Variants in KNDC1 observed in about 807,000 individuals in gnomAD.
KNDC1 encodes kinase non-catalytic C-lobe domain-containing protein 1.
A neutral mutation model predicts 172.8 loss-of-function variants in KNDC1; 106 were observed. That is an observed-to-expected ratio of 0.61 (90% CI 0.52 to 0.72). The LOEUF (loss-of-function observed/expected upper bound fraction) is 0.72. Ranked by LOEUF, KNDC1 falls within the 30% of genes least tolerant of loss-of-function variation. The pLI is 0.00. For missense variants in KNDC1, 2,325 were observed against 2,394.5 expected (o/e 0.97, Z 0.61); for synonymous variants, 1,083 against 1,062.2 (o/e 1.02, Z -0.38).
chr10:133,196,936 G>A, intron 10 of KNDC1, 122 bp from the exon 11 acceptor site: 1 of 735,212 alleles, frequency 1.4e-6, no homozygotes, highest in South Asian at 1.6e-5. Context: ...GGGTGTCGGT[G>A]AGAACAAACA....
chr10:133,218,677 G>A (rs574716107), intron 26 of KNDC1, among the ~76,000 whole-genome samples, 154 bp from the exon 27 acceptor site: 24 of 152,274 alleles, frequency 1.6e-4, no homozygotes, highest in Admixed American at 1.2e-3. Context: ...CACGGCCACC[G>A]CTCACCTGCG....
intron 3 of KNDC1, 33 bp downstream of exon 3, chr10:133,168,345 C>G (rs761724684): frequency 7.2e-5 from 114 of 1,587,302 alleles, no homozygotes; most frequent in South Asian, 3.6e-4. Flanking sequence ...TGCCACACCC[C>G]CCTTTTACCT....
chr10:133,211,080 C>A (rs940982705), intron 21 of KNDC1, among the ~76,000 whole-genome samples: 1 of 151,986 alleles, frequency 6.6e-6, no homozygotes, highest in Non-Finnish European at 1.5e-5. Flanking sequence ...AGGGTCCTAC[C>A]GGCCGCCAGC....
At chr10:133,206,980 C>T in intron 19 of KNDC1, 27 bp downstream of exon 19, 1 of 1,600,612 alleles carries the variant, frequency 6.2e-7, no homozygotes, top group Non-Finnish European at 8.6e-7. Context: ...CCCCGCTCTG[C>T]CCCGTGAGGC....
chr10:133,188,431 CAG>C (rs1374944748), intron 6 of KNDC1, 106 bp from the exon 7 acceptor site: 8 of 690,430 alleles, frequency 1.2e-5, no homozygotes, highest in East Asian at 2.8e-5. Flanking sequence ...GGCGCCTACT[CAG>C]GGGCTGAGTG....
chr10:133,168,734 G>A (rs564459473), intron 3 of KNDC1, among the ~76,000 whole-genome samples: 44 of 152,348 alleles, frequency 2.9e-4, no homozygotes, highest in African/African-American at 8.9e-4. Flanking sequence ...GTTAGCAGCC[G>A]GGCCACTCAC....
chr10:133,197,066 C>A lies in KNDC1; in HGVS notation c.1743C>A (p.Gly581=). The change falls in exon 11 of 30, where the codon GGC becomes GGA. Residue 581 remains glycine (G), a synonymous_variant. Transcript: ENST00000304613. ...PSAAEAIKVC[G]SYLLQRGMDS... The stretch of plus-strand genomic sequence containing the variant: ...CTGTCTCCTCCCTCCAGGTGTGCGG[C>A]AGCTACCTCCTCCAGCGAGGCATGG... 6.2e-7 allele frequency: 1 copy of A among 1,612,950 alleles called. No individual in the cohort carries two copies. The highest frequency in any genetic ancestry group is 8.5e-7 in the Non-Finnish European group (1 of 1,179,654).
rs146572070 is a variant in KNDC1, at chr10:133,224,864, C to T, written c.5224C>T (p.Arg1742Trp). The change falls in exon 30 of 30, where the codon CGG (arginine) becomes TGG (tryptophan). Residue 1742 changes from arginine (R) to tryptophan (W), a missense_variant. Transcript: ENST00000304613. The surrounding 1 kb of genome is among the most constrained non-coding windows in gnomAD (Gnocchi z 5.4). Reference protein sequence around the residue: ...KHSRKIQDKLRRMKATFQ With the variant: ...KHSRKIQDKLWRMKATFQ The stretch of plus-strand genomic sequence containing the variant: ...CTCACGGAAGATTCAGGACAAGCTA[C>T]GGAGGATGAAGGCTACATTCCAGTA... 10 of 1,613,620 alleles carry T rather than the reference C, an allele frequency of 6.2e-6. No homozygotes were observed. Among genetic ancestry groups the T allele is most frequent in the Non-Finnish European group, 8.5e-6 (10 of 1,179,870 alleles).
At chr10:133,220,232 C>T (rs1357795449) in intron 29 of KNDC1, 120 bp downstream of exon 29, 71 of 455,356 alleles carry the variant, frequency 1.6e-4, no homozygotes, top group Non-Finnish European at 6.0e-5. Flanking sequence ...CAGGCGGCCG[C>T]GCGCCCAGGT....
chr10:133,211,747 C>G lies in KNDC1; in HGVS notation c.4125C>G (p.Ala1375=), dbSNP rs138202794. 1.2e-6 allele frequency: 2 copies of G among 1,610,162 alleles called. No homozygotes were observed. Among genetic ancestry groups the G allele is most frequent in the Non-Finnish European group, 8.5e-7 (1 of 1,178,930 alleles). ...GLLEVGMDRR[A]EGNPRGTDLE... ...TGGAGGTGGGCATGGACCGGCGGGCCGAGGGCAACCCTCGCGGCACAGACC... is the reference window on the plus strand; with the variant it reads ...TGGAGGTGGGCATGGACCGGCGGGCGGAGGGCAACCCTCGCGGCACAGACC... Residue 1375 remains alanine, a synonymous_variant, in exon 23 of 30, where the codon GCC becomes GCG. Transcript: ENST00000304613.
chr10:133,196,205 A>C (rs1589757634), intron 10 of KNDC1, among the ~76,000 whole-genome samples: 10 of 144,376 alleles, frequency 6.9e-5, no homozygotes, highest in Admixed American at 1.4e-4. Flanking sequence ...TCCACACCTC[A>C]CCCCCCACCC....
In KNDC1 at chr10:133,199,517, G is replaced by A. The variant is rs751186669; in HGVS notation, c.2818G>A (p.Glu940Lys). The A allele has an allele frequency of 4.3e-6, 7 of 1,613,786 alleles. No homozygotes were observed. Among genetic ancestry groups the A allele is most frequent in the South Asian group, 3.3e-5 (3 of 91,090 alleles). Residue 940 changes from glutamate (E) to lysine (K), a missense_variant, in exon 15 of 30, where the codon GAG becomes AAG. Physicochemically the swap from Glu to Lys is moderately conservative, Grantham distance 56 (BLOSUM62 1). Coordinates refer to ENST00000304613, the MANE Select transcript of KNDC1 (RefSeq NM_152643.8). ...TGCCACTTTCTGTGGCGCCATTTCC[G>A]AGAAGTTCTGTGACCTGTACTGGGA... ...TFATFCGAIS[E>K]KFCDLYWDEK... is the part of the protein sequence containing the mutation.
Position 133,193,935 on chromosome 10 carries a change from T to C in KNDC1, c.1576-1728T>C, listed in dbSNP as rs573900139. Among the ~76,000 whole-genome samples the C allele has an allele frequency of 4.6e-5, 7 of 152,304 alleles. No homozygotes were observed. In the South Asian group the frequency reaches 1.5e-3, roughly 32 times the overall value. ...TGCAGAATATGTGAAGCAAAACTGA[T>C]AGAATTAATAGAGACACAGATGAAT... On this transcript the variant is annotated intron_variant, in intron 9 of 29. Transcript: ENST00000304613.
intron 26 of KNDC1, among the ~76,000 whole-genome samples, chr10:133,218,239 G>A (rs1372784713): frequency 3.9e-5 from 6 of 152,306 alleles, no homozygotes; most frequent in African/African-American, 9.6e-5. Flanking sequence ...ATCCAGGAAC[G>A]CAGCCCTTTG....
intron 21 of KNDC1, among the ~76,000 whole-genome samples, chr10:133,211,128 G>C (rs1311174647): frequency 6.6e-6 from 1 of 152,108 alleles, no homozygotes; most frequent in Non-Finnish European, 1.5e-5. Context: ...GGTGTCAGGA[G>C]AGGGGTGGTG....
rs1396081848 is a variant in KNDC1, at chr10:133,224,054, C to A, written c.5019-605C>A. 6.6e-6 allele frequency among the ~76,000 whole-genome samples: 1 copy of A among 152,186 alleles called. No individual in the cohort carries two copies. The highest frequency in any genetic ancestry group is 2.4e-5 in the African/African-American group (1 of 41,436). ...GTGTGTGTGTGAGAGCCCATCCAGGCTTGGCCTTTCTTTGCCGTAATGGAC... is the reference window on the plus strand; with the variant it reads ...GTGTGTGTGTGAGAGCCCATCCAGGATTGGCCTTTCTTTGCCGTAATGGAC... On this transcript the variant is annotated intron_variant, in intron 29 of 29. Transcript: ENST00000304613. This position sits in a 1 kb window ranked among gnomAD's most constrained non-coding sequence, Gnocchi z 5.4.
intron 5 of KNDC1, among the ~76,000 whole-genome samples, chr10:133,184,368 T>C (rs943886644): frequency 3.3e-5 from 5 of 150,378 alleles, no homozygotes; most frequent in Admixed American, 1.3e-4. Context: ...AACACACCCA[T>C]GCACACACAC....
chr10:133,188,507 C>G, intron 6 of KNDC1, 32 bp from the exon 7 acceptor site: 2 of 1,425,706 alleles, frequency 1.4e-6, no homozygotes, highest in Non-Finnish European at 1.9e-6. Flanking sequence ...CAAGGGGTGT[C>G]CACACTGACC....
At chr10:133,172,462 T>TACTA (rs1414100344) in intron 3 of KNDC1, among the ~76,000 whole-genome samples, 2 of 152,262 alleles carry the variant, frequency 1.3e-5, no homozygotes, top group Non-Finnish European at 2.9e-5. Context: ...TAATTGGATT[T>TACTA]ACTAACGCTT....
Sources: gnomAD v4.1 joint callset for allele counts (sites outside exome capture counted in the v4.1 genomes callset) on GRCh38, gnomAD v4.1.1 for gene constraint, Gnocchi (gnomAD v3.1) non-coding constraint, MANE v1.5 for transcripts, NCBI Gene and HGNC (gene_info 2026-07-23, HGNC 2026-07-21) for gene names.